CELF4: variants seen among roughly 807,000 people sequenced by gnomAD.
CELF4 encodes the protein CUGBP Elav-like family member 4.
In CELF4, 18 loss-of-function variants were observed where a neutral mutation model predicts 59.9. The ratio of observed to expected loss-of-function variants is 0.30; its 90% CI spans 0.21 to 0.45. The LOEUF (loss-of-function observed/expected upper bound fraction) is 0.45, where lower values mean the gene tolerates loss of function less well. Ranked by LOEUF, CELF4 falls within the 20% of genes least tolerant of loss-of-function variation. The pLI, the probability that CELF4 is intolerant of heterozygous loss-of-function variation, is 1.00. For synonymous variants in CELF4, 261 were observed against 267.1 expected (o/e 0.98, Z 0.22); for missense variants, 456 against 689.0 (o/e 0.66, Z 3.79).
intron 2 of CELF4, among the ~76,000 whole-genome samples, chr18:37,378,068 TCA>T (rs2098991917): frequency 6.6e-6 from 1 of 152,038 alleles, no homozygotes; most frequent in South Asian, 2.1e-4. Context: ...GGGAAGATAG[TCA>T]CACCCCTGGT....
chr18:37,348,203 T>G (rs1411646670), intron 2 of CELF4, among the ~76,000 whole-genome samples: 1 of 149,696 alleles, frequency 6.7e-6, no homozygotes, highest in African/African-American at 2.5e-5. Context: ...CAGTTACTAT[T>G]TGACCCCTCT....
chr18:37,357,056 C>A (rs2098601361), intron 2 of CELF4, among the ~76,000 whole-genome samples: 1 of 152,194 alleles, frequency 6.6e-6, no homozygotes. Flanking sequence ...TGGGTCACAC[C>A]CATGCCTTTT....
At chr18:37,353,996 C>T (rs1287265892) in intron 2 of CELF4, among the ~76,000 whole-genome samples, 3 of 152,108 alleles carry the variant, frequency 2.0e-5, no homozygotes, top group Admixed American at 1.3e-4. Context: ...ACTTCGTGAT[C>T]TGCCCGCCTC....
At chr18:37,333,587 A>G (rs2097643049) in intron 2 of CELF4, among the ~76,000 whole-genome samples, 1 of 152,076 alleles carries the variant, frequency 6.6e-6, no homozygotes, top group South Asian at 2.1e-4. Flanking sequence ...CGCCTCATGG[A>G]GAGGCAAGAT....
intron 2 of CELF4, among the ~76,000 whole-genome samples, chr18:37,343,566 G>A (rs2098135070): frequency 6.6e-6 from 1 of 151,968 alleles, no homozygotes; most frequent in Non-Finnish European, 1.5e-5. Context: ...TGGTATATGT[G>A]GTGCATATGT....
chr18:37,489,321 C>A (rs1366830306), intron 1 of CELF4, among the ~76,000 whole-genome samples: 1 of 152,222 alleles, frequency 6.6e-6, no homozygotes, highest in Non-Finnish European at 1.5e-5. Context: ...GAGGGCAGAG[C>A]CCTGGGGGCA....
At chr18:37,380,339 AG>A (rs1367468691) in intron 2 of CELF4, among the ~76,000 whole-genome samples, 1 of 152,090 alleles carries the variant, frequency 6.6e-6, no homozygotes, top group African/African-American at 2.4e-5. Flanking sequence ...CTCAGGTTGA[AG>A]GTCTATGTTC....
chr18:37,324,904 T>C (rs1258666569), intron 2 of CELF4, among the ~76,000 whole-genome samples: 4 of 152,122 alleles, frequency 2.6e-5, no homozygotes, highest in East Asian at 3.9e-4. Context: ...AGGTTGTAAA[T>C]GGTGATATCA....
In CELF4 at chr18:37,274,165, C is replaced by CG. The variant is rs1459802853; in HGVS notation, c.801+145_801+146insC. On this transcript the variant is annotated intron_variant, in intron 6 of 12. Coordinates refer to ENST00000420428, the MANE Select transcript of CELF4 (RefSeq NM_020180.4). ...CAAACCCTTCTGAAGTTAAACCCCC[C>CG]AGGTTCATGGGTTCATTCCCGGCCC... is the stretch of plus-strand genomic sequence containing the variant. 1.7e-5 allele frequency: 25 copies of CG among 1,476,868 alleles called. No homozygotes were observed. The East Asian group carries it at 4.7e-4, about 28-fold the overall frequency. 91.5% of individuals were successfully genotyped at this position (1,476,868 alleles called of 1,614,324 possible).
chr18:37,497,846 T>G (rs2099926953), intron 1 of CELF4, among the ~76,000 whole-genome samples: 1 of 152,170 alleles, frequency 6.6e-6, no homozygotes, highest in African/African-American at 2.4e-5. Flanking sequence ...ATGTTTCGAC[T>G]CATTTAATGT....
chr18:37,344,719 A>C (rs557401929), intron 2 of CELF4, among the ~76,000 whole-genome samples: 21 of 152,340 alleles, frequency 1.4e-4, no homozygotes, highest in African/African-American at 4.8e-4. Context: ...ATGTTGGCAG[A>C]GGGTTTTCAG....
chr18:37,550,615 C>T (rs866001132), intron 1 of CELF4, among the ~76,000 whole-genome samples: 5 of 152,344 alleles, frequency 3.3e-5, no homozygotes, highest in African/African-American at 7.2e-5. Context: ...CTCTGTGATC[C>T]GCAGGCCCCA....
At chr18:37,251,699 C>G (rs910402825) in intron 12 of CELF4, among the ~76,000 whole-genome samples, 2 of 152,210 alleles carry the variant, frequency 1.3e-5, no homozygotes, top group African/African-American at 4.8e-5. Context: ...GAAAAAGCTG[C>G]TTTCACGAAA....
At chr18:37,452,874 T>C (rs1221888791) in intron 2 of CELF4, among the ~76,000 whole-genome samples, 1 of 152,132 alleles carries the variant, frequency 6.6e-6, no homozygotes, top group Non-Finnish European at 1.5e-5. Flanking sequence ...CTGAGCCAAG[T>C]ACCCACTGCC....
chr18:37,470,870 GTGTGTGTGTGT>G (rs1569569537), intron 2 of CELF4, among the ~76,000 whole-genome samples: 11 of 124,946 alleles, frequency 8.8e-5, no homozygotes, highest in African/African-American at 3.4e-4. Flanking sequence ...GTGTGTGTGT[GTGTGTGTGTGT>G]GTGTGTGACA....
chr18:37,374,711 C>T (rs563167041), intron 2 of CELF4, among the ~76,000 whole-genome samples: 5 of 152,270 alleles, frequency 3.3e-5, no homozygotes, highest in South Asian at 2.1e-4. Flanking sequence ...CCTTCTTGCC[C>T]GGTTCCTTCT....
intron 2 of CELF4, among the ~76,000 whole-genome samples, chr18:37,466,284 A>T (rs1440583402): frequency 6.6e-6 from 1 of 152,264 alleles, no homozygotes; most frequent in Non-Finnish European, 1.5e-5. Context: ...ATAAACACCC[A>T]TCACATTAAT....
At chr18:37,352,296 A>G (rs574347630) in intron 2 of CELF4, among the ~76,000 whole-genome samples, 1 of 152,268 alleles carries the variant, frequency 6.6e-6, no homozygotes, top group East Asian at 1.9e-4. Context: ...CAGCCGTGAG[A>G]GCTTACACAC....
chr18:37,277,013 A>C (rs1239472513), intron 3 of CELF4, among the ~76,000 whole-genome samples: 1 of 152,034 alleles, frequency 6.6e-6, no homozygotes, highest in East Asian at 1.9e-4. Context: ...ACCTTGCCCA[A>C]ATTGTCAGGA....
Sources: allele counts gnomAD v4.1 joint callset (sites outside exome capture counted in the v4.1 genomes callset), GRCh38; gene constraint gnomAD v4.1.1; transcripts MANE v1.5; gene names NCBI Gene and HGNC (gene_info 2026-07-23, HGNC 2026-07-21).